The following EXOC4 variants were observed in gnomAD, a reference collection of about 807,000 sequenced individuals.
EXOC4 encodes the protein SEC8-like 1.
A neutral mutation model predicts 107.2 loss-of-function variants in EXOC4; 71 were observed. The ratio of observed to expected loss-of-function variants is 0.66; its 90% CI spans 0.55 to 0.81. The LOEUF is 0.81. EXOC4 is among the 30% of genes least tolerant of loss of function. The pLI, the probability that EXOC4 is intolerant of heterozygous loss-of-function variation, is 0.00. For missense variants in EXOC4, 1,108 were observed against 1,189.6 expected (o/e 0.93, Z 1.01); for synonymous variants, 456 against 441.2 (o/e 1.03, Z -0.42).
rs528893456 is a variant in EXOC4, at chr7:134,030,672, C to A, written c.2687+22837C>A. 7.4e-5 allele frequency among the ~76,000 whole-genome samples: 11 copies of A among 148,876 alleles called. No homozygotes were observed. In the South Asian group the frequency reaches 1.5e-3, roughly 21 times the overall value. ...AATAAACCTTGTTGACCCGCACCCCCCCTCTGCCCCCCCAGCTCACCCCCC... is the reference window on the plus strand; with the variant it reads ...AATAAACCTTGTTGACCCGCACCCCACCTCTGCCCCCCCAGCTCACCCCCC... On this transcript the variant is annotated intron_variant, in intron 17 of 17. Transcript: ENST00000253861.
chr7:133,317,124 A>AATATACTGGGGAGATCCAGTATAGT (rs770081889), intron 4 of EXOC4, among the ~76,000 whole-genome samples, 160 bp from the exon 5 acceptor site: 5 of 152,142 alleles, frequency 3.3e-5, no homozygotes, highest in Non-Finnish European at 1.5e-5. Context: ...CTTTATTGGA[A>AATATACTGGGGAGATCCAGTATAGT]ATATACTGGG....
At chr7:134,003,786 C>T (rs998015135) in intron 15 of EXOC4, among the ~76,000 whole-genome samples, 1 of 151,426 alleles carries the variant, frequency 6.6e-6, no homozygotes, top group Non-Finnish European at 1.5e-5. Flanking sequence ...AAAACAAATA[C>T]CTGCATGTAG....
chr7:133,300,167 T>A (rs1794611814), intron 3 of EXOC4, among the ~76,000 whole-genome samples: 1 of 152,188 alleles, frequency 6.6e-6, no homozygotes, highest in Non-Finnish European at 1.5e-5. Context: ...ATGGGCATTT[T>A]TGATTGTCTT....
intron 17 of EXOC4, among the ~76,000 whole-genome samples, chr7:134,044,013 C>G (rs768165327): frequency 6.6e-6 from 1 of 152,194 alleles, no homozygotes; most frequent in Non-Finnish European, 1.5e-5. Flanking sequence ...GGAACTGGAT[C>G]AGCAGTTTGG....
chr7:133,846,462 T>A (rs1432995022), intron 11 of EXOC4, among the ~76,000 whole-genome samples: 1 of 152,144 alleles, frequency 6.6e-6, no homozygotes, highest in Non-Finnish European at 1.5e-5. Context: ...GCATGCTATG[T>A]GGGTGGCGTT....
chr7:133,716,830 C>T (rs1795007883), intron 10 of EXOC4, among the ~76,000 whole-genome samples: 1 of 152,066 alleles, frequency 6.6e-6, no homozygotes, highest in Non-Finnish European at 1.5e-5. Flanking sequence ...TTCCAAGCTA[C>T]TCGGGAGTCT....
chr7:133,642,561 A>G (rs1337579801), intron 10 of EXOC4, among the ~76,000 whole-genome samples: 1 of 152,190 alleles, frequency 6.6e-6, no homozygotes, highest in Admixed American at 6.5e-5. Context: ...TCTCAAATTT[A>G]TCCATTCCCT....
In EXOC4 at chr7:133,596,988, G is replaced by A. The variant is rs189656561; in HGVS notation, c.1418-33057G>A. Reference sequence around the variant, plus strand: ...TAGAGGAAGCAATCAGGGAGGATATGAATCTAGGTTGACAGCCAAATTTTT... The same window carrying A: ...TAGAGGAAGCAATCAGGGAGGATATAAATCTAGGTTGACAGCCAAATTTTT... On this transcript the variant is annotated intron_variant, in intron 9 of 17. Coordinates refer to ENST00000253861, the MANE Select transcript of EXOC4 (RefSeq NM_021807.4). Among the ~76,000 whole-genome samples, 183 of 152,278 alleles carry A rather than the reference G, an allele frequency of 1.2e-3. 3 individuals are homozygous for A. The highest frequency in any genetic ancestry group is 4.3e-3 in the African/African-American group (179 of 41,568).
At chr7:133,463,656 A>G (rs1010655828) in intron 7 of EXOC4, among the ~76,000 whole-genome samples, 3 of 152,202 alleles carry the variant, frequency 2.0e-5, no homozygotes, top group African/African-American at 4.8e-5. Context: ...CAGCCTAACT[A>G]CTAATACTCA....
chr7:133,799,356 G>T (rs1234421875), intron 10 of EXOC4, among the ~76,000 whole-genome samples: 1 of 152,186 alleles, frequency 6.6e-6, no homozygotes, highest in Non-Finnish European at 1.5e-5. Context: ...GCCTGGATTG[G>T]TGCCTCCCTG....
chr7:133,441,203 T>C (rs1325828262), intron 7 of EXOC4, among the ~76,000 whole-genome samples: 1 of 152,064 alleles, frequency 6.6e-6, no homozygotes, highest in Non-Finnish European at 1.5e-5. Context: ...GGGAGAGATA[T>C]TTACAGCAAG....
Position 133,489,311 on chromosome 7 carries a change from A to G in EXOC4, c.1417+9173A>G, listed in dbSNP as rs1037699382. Among the ~76,000 whole-genome samples, 3 of 152,182 alleles carry G rather than the reference A, an allele frequency of 2.0e-5. No homozygotes were observed. The South Asian group carries it at 6.2e-4, about 31-fold the overall frequency. ...CTTTTAAAAACTGTACAAATGTCAT[A>G]TGCACTCATACATTTCATAAAATGT... On this transcript the variant is annotated intron_variant, in intron 9 of 17. Transcript: ENST00000253861.
At position 133,550,941 on chromosome 7, in the gene EXOC4, C is replaced by T. The variant is rs561515150; in HGVS notation, c.1417+70803C>T. Among the ~76,000 whole-genome samples the T allele has an allele frequency of 2.1e-4, 32 of 151,992 alleles. No homozygotes were observed. In the South Asian group the frequency reaches 2.5e-3, roughly 12 times the overall value. ...CAATTCAGTCAGCAAAAAGTTCTTA[C>T]ACGAAGAGTTGTGGCTTTCCCTGAA... On this transcript the variant is annotated intron_variant, in intron 9 of 17. Coordinates refer to ENST00000253861, the MANE Select transcript of EXOC4 (RefSeq NM_021807.4).
intron 7 of EXOC4, among the ~76,000 whole-genome samples, chr7:133,449,118 A>G (rs752359631): frequency 2.0e-5 from 3 of 152,164 alleles, no homozygotes; most frequent in Admixed American, 6.5e-5. Context: ...AAATAAATAA[A>G]TAAATAAAAA....
intron 6 of EXOC4, among the ~76,000 whole-genome samples, chr7:133,364,947 C>CA (rs1796219150): frequency 6.6e-6 from 1 of 152,140 alleles, no homozygotes; most frequent in South Asian, 2.1e-4. Context: ...CTTATATAAA[C>CA]ATGATGTTTC....
intron 11 of EXOC4, among the ~76,000 whole-genome samples, chr7:133,834,651 A>G (rs1169435724): frequency 6.6e-6 from 1 of 152,254 alleles, no homozygotes; most frequent in African/African-American, 2.4e-5. Flanking sequence ...GAGTATGAGC[A>G]GAGGCGCCAA....
At chr7:133,881,461 C>A (rs1362466536) in intron 11 of EXOC4, among the ~76,000 whole-genome samples, 1 of 152,138 alleles carries the variant, frequency 6.6e-6, no homozygotes, top group Non-Finnish European at 1.5e-5. Flanking sequence ...TCCTTCTCAC[C>A]TCTGTCTCTC....
chr7:133,741,382 A>G (rs1044322860), intron 10 of EXOC4, among the ~76,000 whole-genome samples: 4 of 152,236 alleles, frequency 2.6e-5, no homozygotes, highest in African/African-American at 9.6e-5. Context: ...GTTTCAAGAT[A>G]TAGCTTAAAT....
chr7:133,728,328 T>G (rs1469404615), intron 10 of EXOC4, among the ~76,000 whole-genome samples: 1 of 152,202 alleles, frequency 6.6e-6, no homozygotes, highest in Non-Finnish European at 1.5e-5. Context: ...GAAAGGATTA[T>G]TTCTGTGACA....
Sources: gnomAD v4.1 joint callset for allele counts (sites outside exome capture counted in the v4.1 genomes callset) on GRCh38, gnomAD v4.1.1 for gene constraint, MANE v1.5 for transcripts, NCBI Gene and HGNC (gene_info 2026-07-23, HGNC 2026-07-21) for gene names.